CTNNA3: variants seen among roughly 807,000 people sequenced by gnomAD.
CTNNA3 encodes the protein catenin alpha 3, also known as catenin alpha-3.
A neutral mutation model predicts 95.7 loss-of-function variants in CTNNA3; 76 were observed. The ratio of observed to expected loss-of-function variants is 0.79; its 90% CI spans 0.66 to 0.96. CTNNA3 has a LOEUF of 0.96. CTNNA3 is among the 40% of genes least tolerant of loss of function. CTNNA3 has a pLI of 0.00. For missense variants in CTNNA3, 1,191 were observed against 1,089.8 expected (o/e 1.09, Z -1.31); for synonymous variants, 431 against 374.4 (o/e 1.15, Z -1.74).
At chr10:67,562,168 C>T (rs921567994) in intron 3 of CTNNA3, among the ~76,000 whole-genome samples, 1 of 152,130 alleles carries the variant, frequency 6.6e-6, no homozygotes, top group African/African-American at 2.4e-5. Flanking sequence ...ATACCAGAGC[C>T]GGGCAGAGAC....
At chr10:65,940,905 A>G (rs1052939692) in intron 17 of CTNNA3, among the ~76,000 whole-genome samples, 3 of 152,244 alleles carry the variant, frequency 2.0e-5, no homozygotes, top group Admixed American at 6.5e-5. Flanking sequence ...ACAGTAATCC[A>G]GAATGCCACA....
At chr10:66,920,945 A>G (rs565833945) in intron 7 of CTNNA3, among the ~76,000 whole-genome samples, 45 of 152,286 alleles carry the variant, frequency 3.0e-4, no homozygotes, top group African/African-American at 1.1e-3. Flanking sequence ...ACCATCATCT[A>G]TCTCCTGGAT....
At chr10:66,717,066 T>TC (rs1385349176) in intron 9 of CTNNA3, among the ~76,000 whole-genome samples, 3 of 150,194 alleles carry the variant, frequency 2.0e-5, no homozygotes, top group African/African-American at 7.3e-5. Flanking sequence ...AACTGAGGTA[T>TC]CCCCCATAAG....
chr10:67,097,842 C>CA, intron 7 of CTNNA3: 1 of 1,559,206 alleles, frequency 6.4e-7, no homozygotes, highest in Non-Finnish European at 8.8e-7. Flanking sequence ...TTTGTAACCT[C>CA]AAGGACAAAA....
In CTNNA3 at chr10:66,360,674, C is replaced by T. The variant is rs373244594; in HGVS notation, c.1732+18478G>A. The stretch of plus-strand genomic sequence containing the variant: ...TTCTTTCTTTCTTCCTTCCTTCCTT[C>T]CTTCCTTCCTTCCTTCCTTTTCTTT... On this transcript the variant is annotated intron_variant, in intron 12 of 17. Coordinates refer to ENST00000433211, the MANE Select transcript of CTNNA3 (RefSeq NM_013266.4). Among the ~76,000 whole-genome samples the T allele has an allele frequency of 6.5e-3, 490 of 75,490 alleles. 9 individuals carry two copies. Among genetic ancestry groups the T allele is most frequent in the African/African-American group, 0.013 (310 of 24,568 alleles). The allele number at this position is 75,490 out of a possible 152,430, so 49.5% of individuals were successfully genotyped here.
intron 3 of CTNNA3, among the ~76,000 whole-genome samples, chr10:67,583,127 A>C (rs375922069): frequency 1.3e-5 from 2 of 152,032 alleles, no homozygotes; most frequent in Non-Finnish European, 2.9e-5. Flanking sequence ...TATTTTGCTC[A>C]TTAGTTGATG....
At chr10:67,080,685 G>A (rs1052178113) in intron 7 of CTNNA3, among the ~76,000 whole-genome samples, 10 of 151,998 alleles carry the variant, frequency 6.6e-5, no homozygotes, top group Admixed American at 5.2e-4. Flanking sequence ...TGAGGCGGGC[G>A]GATCACGAGG....
chr10:66,860,821 T>G (rs918068764), intron 7 of CTNNA3, among the ~76,000 whole-genome samples: 2 of 152,214 alleles, frequency 1.3e-5, no homozygotes, highest in Non-Finnish European at 2.9e-5. Context: ...TTTTTGTAAA[T>G]ATTCAAACTC....
rs1438237128 is a variant in CTNNA3, at chr10:66,149,201, T to A, written c.1885-45952A>T. Among the ~76,000 whole-genome samples the A allele has an allele frequency of 1.4e-5, 2 of 147,928 alleles. 1 individual carries two copies. Among genetic ancestry groups the A allele is most frequent in the African/African-American group, 4.9e-5 (2 of 40,820 alleles). ...AGTTAACTATATAGTTAATTATAAC[T>A]AGTTATAATATATAATATATAAATA... On this transcript the variant is annotated intron_variant, in intron 13 of 17. Coordinates refer to ENST00000433211, the MANE Select transcript of CTNNA3 (RefSeq NM_013266.4).
At chr10:66,082,125 A>C (rs564340589) in intron 14 of CTNNA3, among the ~76,000 whole-genome samples, 116 of 152,218 alleles carry the variant, frequency 7.6e-4, no homozygotes, top group African/African-American at 2.5e-3. Context: ...CAAAAAAATA[A>C]AAATAAAAAT....
intron 5 of CTNNA3, among the ~76,000 whole-genome samples, chr10:67,451,417 T>G (rs1180451771): frequency 3.3e-5 from 5 of 150,092 alleles, no homozygotes; most frequent in African/African-American, 9.8e-5. Context: ...TGAGAAAAAG[T>G]TTTTGTTGTA....
chr10:66,354,296 A>T (rs2092591420), intron 12 of CTNNA3, among the ~76,000 whole-genome samples: 1 of 139,308 alleles, frequency 7.2e-6, no homozygotes, highest in African/African-American at 2.5e-5. Flanking sequence ...AAAATAAAAA[A>T]AAAAAGTCTA....
Position 66,520,617 on chromosome 10 carries a change from C to A in CTNNA3, c.1531G>T (p.Glu511Ter). The change falls in exon 11 of 18, where the codon GAA (glutamate) becomes TAA (stop). Residue 511 changes from glutamate to a stop codon, truncating the protein, a stop_gained and splice_region_variant. Transcript: ENST00000433211. LOFTEE classifies it high-confidence loss of function. The part of the protein sequence containing the change: ...TSIDDFLAVS[E>*]SHILEDVNKC... The stretch of plus-strand genomic sequence containing the variant: ...ACAAATTAAAAGAATAAAAACATAC[C>A]AGATACAGCAAGGAAGTCATCAATG... 6.3e-7 allele frequency: 1 copy of A among 1,594,626 alleles called. No individual in the cohort carries two copies.
intron 15 of CTNNA3, among the ~76,000 whole-genome samples, chr10:66,032,429 T>C (rs2079467623): frequency 6.6e-6 from 1 of 152,200 alleles, no homozygotes; most frequent in Non-Finnish European, 1.5e-5. Flanking sequence ...TAGTCATTTA[T>C]CCTGAGATGA....
chr10:66,110,534 A>C (rs2133775622), intron 13 of CTNNA3, among the ~76,000 whole-genome samples: 1 of 152,220 alleles, frequency 6.6e-6, no homozygotes, highest in South Asian at 2.1e-4. Flanking sequence ...ATATACACTC[A>C]GTGAAATACT....
chr10:66,475,344 G>C (rs1839285915), intron 11 of CTNNA3, among the ~76,000 whole-genome samples: 1 of 151,964 alleles, frequency 6.6e-6, no homozygotes, highest in Admixed American at 6.6e-5. Flanking sequence ...AATGCTTTAT[G>C]ATATTGGGGT....
At chr10:66,802,559 C>T (rs940145960) in intron 7 of CTNNA3, among the ~76,000 whole-genome samples, 3 of 151,462 alleles carry the variant, frequency 2.0e-5, no homozygotes, top group African/African-American at 4.8e-5. Context: ...TAGATGGTAC[C>T]ACGTCTTTGA....
intron 5 of CTNNA3, among the ~76,000 whole-genome samples, chr10:67,221,617 G>A (rs915959222): frequency 9.9e-5 from 15 of 151,784 alleles, no homozygotes; most frequent in African/African-American, 3.1e-4. Context: ...CTCTGTCGCC[G>A]AGGCTGGAGT....
At chr10:66,190,908 C>T (rs1010033277) in intron 13 of CTNNA3, among the ~76,000 whole-genome samples, 4 of 152,032 alleles carry the variant, frequency 2.6e-5, no homozygotes, top group Admixed American at 6.6e-5. Context: ...AGCAATGACC[C>T]CCTAGCGGAT....
Sources: gnomAD v4.1 joint callset for allele counts (sites outside exome capture counted in the v4.1 genomes callset) on GRCh38, gnomAD v4.1.1 for gene constraint, MANE v1.5 for transcripts, NCBI Gene and HGNC (gene_info 2026-07-23, HGNC 2026-07-21) for gene names.